The following GAS6 variants were observed in gnomAD, a reference collection of about 807,000 sequenced individuals.
GAS6 encodes growth arrest specific 6, also known as growth arrest-specific protein 6.
GAS6 carries 41 observed loss-of-function variants against 75.8 expected under a neutral mutation model. The ratio of observed to expected loss-of-function variants is 0.54; its 90% CI spans 0.42 to 0.70. GAS6 has a LOEUF of 0.70. Among genes scored for constraint, GAS6 ranks in the 30% least tolerant of loss-of-function variants. GAS6 has a pLI of 0.00. For synonymous variants in GAS6, 432 were observed against 412.6 expected (o/e 1.05, Z -0.57); for missense variants, 854 against 940.2 (o/e 0.91, Z 1.20).
At chr13:113,822,380 T>C (rs1052671432) in intron 13 of GAS6, 194 bp from the exon 14 acceptor site, 2 of 493,336 alleles carry the variant, frequency 4.1e-6, no homozygotes, top group African/African-American at 2.0e-5. Flanking sequence ...TCAGCTTCTC[T>C]GCACGTAAAG....
In GAS6 at chr13:113,839,952, G is replaced by A. The variant is rs183147918; in HGVS notation, c.344-102C>T. ...GGCTGTGGGGTCTCGGGTCCAGCCC[G>A]GAGGAGCTCTGAGGGGCGCAGGCTG... On this transcript the variant is annotated intron_variant, in intron 4 of 14. Coordinates refer to ENST00000327773, the MANE Select transcript of GAS6 (RefSeq NM_000820.4). The A allele has an allele frequency of 1.0e-3, 1,635 of 1,569,588 alleles. 15 individuals are homozygous for A. The African/African-American group carries it at 0.018, about 17-fold the overall frequency.
chr13:113,851,175 CTGAG>C (rs781544905), intron 2 of GAS6, among the ~76,000 whole-genome samples: 1 of 147,166 alleles, frequency 6.8e-6, no homozygotes, highest in Non-Finnish European at 1.5e-5. Context: ...GGACGGATGA[CTGAG>C]TGGGTAAATG....
chr13:113,836,158 CT>C, intron 6 of GAS6: 1 of 623,200 alleles, frequency 1.6e-6, no homozygotes. Flanking sequence ...ATGAAGAGCC[CT>C]TTAGTCACCA....
intron 11 of GAS6, among the ~76,000 whole-genome samples, chr13:113,828,224 A>G (rs902416340): frequency 6.6e-6 from 1 of 152,194 alleles, no homozygotes; most frequent in Non-Finnish European, 1.5e-5. Context: ...AGATCGCGCC[A>G]CTGCACTCCA....
At chr13:113,850,806 ATGAC>A (rs1350710466) in intron 2 of GAS6, among the ~76,000 whole-genome samples, 4 of 151,592 alleles carry the variant, frequency 2.6e-5, no homozygotes, top group Non-Finnish European at 4.4e-5. Context: ...GAATGGATGA[ATGAC>A]TGAACAGATG....
intron 8 of GAS6, among the ~76,000 whole-genome samples, chr13:113,833,902 GGTGTGACAGGTCGGTGTGACAGGCACCA>G (rs2051663500): frequency 6.7e-6 from 1 of 149,806 alleles, no homozygotes; most frequent in Non-Finnish European, 1.5e-5. Flanking sequence ...GACAGGCAGT[GGTGTGACAGGTCGGTGTGACAGGCACCA>G]GTGTGACAGG....
rs377054524 is a variant in GAS6, at chr13:113,852,401, G to A, written c.256-4351C>T. Reference sequence around the variant, plus strand: ...CTCTGACGCCTCCCTGACTGTGCCCGTTGCCCTTCGGTTTCGTAAGCATGG... The same window carrying A: ...CTCTGACGCCTCCCTGACTGTGCCCATTGCCCTTCGGTTTCGTAAGCATGG... On this transcript the variant is annotated intron_variant, in intron 2 of 14. Coordinates refer to ENST00000327773, the MANE Select transcript of GAS6 (RefSeq NM_000820.4). 1.8e-4 allele frequency among the ~76,000 whole-genome samples: 27 copies of A among 152,292 alleles called. 1 individual carries two copies. Among genetic ancestry groups the A allele is most frequent in the Middle Eastern group, 6.8e-3 (2 of 294 alleles).
At chr13:113,824,224 G>C (rs111364463) in intron 12 of GAS6, among the ~76,000 whole-genome samples, 24 of 66,252 alleles carry the variant, frequency 3.6e-4, no homozygotes, top group East Asian at 2.3e-3. Flanking sequence ...TCGGGAGCAC[G>C]CGCGGTCTGG....
intron 5 of GAS6, chr13:113,839,148 G>T: frequency 6.3e-6 from 1 of 157,648 alleles, no homozygotes; most frequent in African/African-American, 2.4e-5. Context: ...GCCAGAGCTG[G>T]CCACTCCTTA....
At chr13:113,843,142 G>C in intron 4 of GAS6, 1 of 311,092 alleles carries the variant, frequency 3.2e-6, no homozygotes. Context: ...GCCCCCGAGG[G>C]CACCCACTTC....
chr13:113,846,357 A>G (rs1382785341), intron 4 of GAS6, among the ~76,000 whole-genome samples, 170 bp downstream of exon 4: 2 of 152,244 alleles, frequency 1.3e-5, no homozygotes, highest in Non-Finnish European at 2.9e-5. Flanking sequence ...AAAAACGTCA[A>G]AATTTACTTG....
chr13:113,847,055 G>T (rs938989602), intron 3 of GAS6: 1 of 502,060 alleles, frequency 2.0e-6, no homozygotes, highest in Non-Finnish European at 4.0e-6. Flanking sequence ...TAGGGCGGCG[G>T]GGGGAGGCGA....
intron 4 of GAS6, chr13:113,842,307 T>C: frequency 3.2e-6 from 1 of 309,406 alleles, no homozygotes; most frequent in East Asian, 5.1e-5. Context: ...GGAGCTCGCG[T>C]CTCGAAGTGT....
intron 4 of GAS6, chr13:113,840,814 T>C (rs2051767343): frequency 6.6e-6 from 1 of 152,218 alleles, no homozygotes; most frequent in Non-Finnish European, 1.5e-5. Context: ...TCAGCCACGC[T>C]CAGCTTAGCC....
chr13:113,824,204 G>A (rs999047922), intron 12 of GAS6, among the ~76,000 whole-genome samples: 1 of 123,996 alleles, frequency 8.1e-6, no homozygotes, highest in African/African-American at 3.9e-5. Flanking sequence ...GCGGTCTGGG[G>A]TCTGAGCTGT....
chr13:113,824,702 T>C (rs1246200365), intron 12 of GAS6, among the ~76,000 whole-genome samples: 1 of 151,754 alleles, frequency 6.6e-6, no homozygotes, highest in Non-Finnish European at 1.5e-5. Flanking sequence ...CCTGTCTCTT[T>C]CCCACGGGGC....
rs1454113514 is a variant in GAS6, at chr13:113,834,163, T to A, written c.834+388A>T. 2.7e-5 allele frequency among the ~76,000 whole-genome samples: 4 copies of A among 146,428 alleles called. No homozygotes were observed. The East Asian group carries it at 8.4e-4, about 31-fold the overall frequency. On this transcript the variant is annotated intron_variant, in intron 8 of 14. Coordinates refer to ENST00000327773, the MANE Select transcript of GAS6 (RefSeq NM_000820.4). The stretch of plus-strand genomic sequence containing the variant: ...CAGGCACCAGTGTGACAGGCCCCGG[T>A]GTGACAGGTAGGTCATGCTGTGACA...
intron 2 of GAS6, among the ~76,000 whole-genome samples, chr13:113,855,445 T>G (rs1193941972): frequency 6.6e-6 from 1 of 152,150 alleles, no homozygotes; most frequent in Non-Finnish European, 1.5e-5. Flanking sequence ...GATTGCAAAG[T>G]TCATGTGTGT....
chr13:113,848,124 G>T lies in GAS6; in HGVS notation c.256-74C>A, dbSNP rs1392918294. The T allele has an allele frequency of 6.6e-7, 1 of 1,516,608 alleles. No homozygotes were observed. The highest frequency in any genetic ancestry group is 9.0e-7 in the Non-Finnish European group (1 of 1,106,914). 93.9% of individuals were successfully genotyped at this position (1,516,608 alleles called of 1,614,324 possible). A position where few individuals can be genotyped will look rare whatever the true frequency, so the allele number is the denominator to read the frequency against. Reference sequence around the variant, plus strand: ...GGGTCTCTGAACAACATAAGCATCAGCTGGTTAATCAGAGGCTGCTCTCGG... The same window carrying T: ...GGGTCTCTGAACAACATAAGCATCATCTGGTTAATCAGAGGCTGCTCTCGG... On this transcript the variant is annotated intron_variant, in intron 2 of 14. Coordinates refer to ENST00000327773, the MANE Select transcript of GAS6 (RefSeq NM_000820.4). The surrounding 1 kb of genome is among the most constrained non-coding windows in gnomAD (Gnocchi z 4.8).
Sources: allele counts gnomAD v4.1 joint callset (sites outside exome capture counted in the v4.1 genomes callset), GRCh38; gene constraint gnomAD v4.1.1; non-coding constraint Gnocchi (gnomAD v3.1); transcripts MANE v1.5; gene names NCBI Gene and HGNC (gene_info 2026-07-23, HGNC 2026-07-21).